The following GABBR2 variants were observed in gnomAD, a reference collection of about 807,000 sequenced individuals.
The protein encoded by GABBR2 is G-protein coupled receptor 51.
A neutral mutation model predicts 105.6 loss-of-function variants in GABBR2; 23 were observed. The observed-to-expected ratio is 0.22, with a 90% CI of 0.16 to 0.31. The LOEUF (loss-of-function observed/expected upper bound fraction) is 0.31. GABBR2 is among the 10% of genes least tolerant of loss of function. The probability of loss-of-function intolerance (pLI) is 1.00; values close to 1 mark genes in which losing one functional copy is unlikely to be tolerated. For missense variants in GABBR2, 734 were observed against 1,245.5 expected, an observed-to-expected ratio of 0.59 and a Z score of 6.18; for synonymous variants, 478 against 499.7, an observed-to-expected ratio of 0.96 and a Z score of 0.58.
rs370611630 is a variant in GABBR2, at chr9:98,306,072, G to C, written c.2229+49C>G. 2.2e-5 allele frequency: 27 copies of C among 1,250,556 alleles called. 1 individual carries two copies. The highest frequency in any genetic ancestry group is 1.8e-4 in the African/African-American group (12 of 67,972). The allele number at this position is 1,250,556 out of a possible 1,614,324, so 77.5% of individuals were successfully genotyped here. A position where few individuals can be genotyped will look rare whatever the true frequency, so the allele number is the denominator to read the frequency against. ...ATGGAGAAAAGCCAGCAATGCCCCT[G>C]TGCTGGAGTCAGAGGGCAGAGGCCA... On this transcript the variant is annotated intron_variant, in intron 15 of 18. Transcript: ENST00000259455. The surrounding 1 kb of genome is among the most constrained non-coding windows in gnomAD (Gnocchi z 5.4).
intron 1 of GABBR2, among the ~76,000 whole-genome samples, chr9:98,658,143 C>T (rs1436808622): frequency 6.6e-6 from 1 of 152,154 alleles, no homozygotes; most frequent in Non-Finnish European, 1.5e-5. Context: ...GATAAGTCAT[C>T]CACCCATAGT....
intron 7 of GABBR2, among the ~76,000 whole-genome samples, chr9:98,443,533 A>G (rs1826070191): frequency 6.6e-6 from 1 of 152,238 alleles, no homozygotes; most frequent in Admixed American, 6.5e-5. Flanking sequence ...GCCTAACAGC[A>G]CAAGATTTGG....
intron 3 of GABBR2, among the ~76,000 whole-genome samples, chr9:98,510,659 CAA>C (rs199696673): frequency 0.11 from 17,119 of 151,882 alleles, 1,584 homozygotes; most frequent in East Asian, 0.49. Context: ...CAACAAAGAT[CAA>C]AAGAGACAAA....
chr9:98,521,374 AAG>A (rs1270095060), intron 3 of GABBR2, among the ~76,000 whole-genome samples: 1 of 152,120 alleles, frequency 6.6e-6, no homozygotes, highest in East Asian at 1.9e-4. Flanking sequence ...ATGGGTGAGT[AAG>A]TACTGGAGGG....
At chr9:98,607,975 A>G in intron 1 of GABBR2, 1 of 1,305,248 alleles carries the variant, frequency 7.7e-7, no homozygotes, top group South Asian at 1.3e-5. Flanking sequence ...CACCATGAGC[A>G]AATGAAAAGG....
chr9:98,488,191 C>G (rs1339959057), intron 4 of GABBR2, among the ~76,000 whole-genome samples: 2 of 152,168 alleles, frequency 1.3e-5, no homozygotes, highest in Non-Finnish European at 2.9e-5. Flanking sequence ...GGCTTCCAGA[C>G]AGTAAGATAA....
chr9:98,664,670 G>A (rs929274414), intron 1 of GABBR2, among the ~76,000 whole-genome samples: 1 of 152,130 alleles, frequency 6.6e-6, no homozygotes, highest in East Asian at 1.9e-4. Flanking sequence ...GACCAATCTC[G>A]TTCACTGGGT....
intron 3 of GABBR2, among the ~76,000 whole-genome samples, chr9:98,538,028 G>A (rs554354778): frequency 1.3e-5 from 2 of 152,274 alleles, no homozygotes; most frequent in East Asian, 3.9e-4. Flanking sequence ...CACATAGGAG[G>A]CCACACTGAT....
intron 6 of GABBR2, among the ~76,000 whole-genome samples, chr9:98,472,576 T>C (rs1826707677): frequency 1.3e-5 from 2 of 152,292 alleles, no homozygotes; most frequent in South Asian, 2.1e-4. Flanking sequence ...GATATATCTA[T>C]AGAAGGGACA....
chr9:98,323,046 C>T (rs1830852920), intron 13 of GABBR2, among the ~76,000 whole-genome samples: 2 of 152,062 alleles, frequency 1.3e-5, no homozygotes, highest in Non-Finnish European at 2.9e-5. Flanking sequence ...AGCACCACAC[C>T]ATTTTAGGGG....
intron 6 of GABBR2, among the ~76,000 whole-genome samples, chr9:98,469,953 C>T (rs1289924864): frequency 6.6e-6 from 1 of 152,206 alleles, no homozygotes; most frequent in Non-Finnish European, 1.5e-5. Flanking sequence ...AATTCAAATT[C>T]AAGAAACATT....
chr9:98,554,393 A>C (rs1157724749), intron 2 of GABBR2, among the ~76,000 whole-genome samples: 4 of 152,184 alleles, frequency 2.6e-5, no homozygotes, highest in Admixed American at 2.6e-4. Context: ...AAAAGAAAAA[A>C]TAAAATTTAT....
At chr9:98,408,666 T>G (rs991137387) in intron 7 of GABBR2, among the ~76,000 whole-genome samples, 1 of 152,234 alleles carries the variant, frequency 6.6e-6, no homozygotes, top group Non-Finnish European at 1.5e-5. Flanking sequence ...TGCCTGCTCT[T>G]GGAGAGCTTT....
intron 3 of GABBR2, among the ~76,000 whole-genome samples, chr9:98,508,480 G>C (rs1458164909): frequency 1.3e-5 from 2 of 152,266 alleles, no homozygotes; most frequent in Non-Finnish European, 2.9e-5. Context: ...CCTCACCAGG[G>C]AAGCGCAAGG....
chr9:98,329,210 A>T (rs1830979760), intron 13 of GABBR2, among the ~76,000 whole-genome samples: 1 of 152,192 alleles, frequency 6.6e-6, no homozygotes, highest in Non-Finnish European at 1.5e-5. Flanking sequence ...TCTGCTGTGG[A>T]CAGTCACCAG....
rs542911753 is a variant in GABBR2 at position 98,643,107 on chromosome 9, A to G, written c.322-65035T>C. Reference sequence around the variant, plus strand: ...AGTGAAGCAAAAGGGACTGGAACCAATCCAGGGGGCACTGTTGAGCAGGAC... The same window carrying G: ...AGTGAAGCAAAAGGGACTGGAACCAGTCCAGGGGGCACTGTTGAGCAGGAC... On this transcript the variant is annotated intron_variant, in intron 1 of 18. Transcript: ENST00000259455. Among the ~76,000 whole-genome samples, 8 of 152,362 alleles carry G rather than the reference A, an allele frequency of 5.3e-5. No homozygotes were observed. The East Asian group carries it at 1.5e-3, about 29-fold the overall frequency.
intron 4 of GABBR2, among the ~76,000 whole-genome samples, chr9:98,488,427 C>T (rs777081478): frequency 6.6e-6 from 1 of 152,108 alleles, no homozygotes; most frequent in South Asian, 2.1e-4. Context: ...GAGAATTGGG[C>T]TATTTTTGTG....
chr9:98,697,298 T>C (rs928199226), intron 1 of GABBR2, among the ~76,000 whole-genome samples: 1 of 152,106 alleles, frequency 6.6e-6, no homozygotes, highest in Non-Finnish European at 1.5e-5. Context: ...GAGACCATCC[T>C]GGCTAACACG....
intron 7 of GABBR2, among the ~76,000 whole-genome samples, chr9:98,428,392 G>T (rs990999901): frequency 6.6e-6 from 1 of 152,194 alleles, no homozygotes; most frequent in Non-Finnish European, 1.5e-5. Context: ...GAAGGCAAAG[G>T]CTGCACCTGA....
Sources: allele counts gnomAD v4.1 joint callset (sites outside exome capture counted in the v4.1 genomes callset), GRCh38; gene constraint gnomAD v4.1.1; non-coding constraint Gnocchi (gnomAD v3.1); transcripts MANE v1.5; gene names NCBI Gene and HGNC (gene_info 2026-07-23, HGNC 2026-07-21).